PDE1C: variants seen among roughly 807,000 people sequenced by gnomAD.
PDE1C encodes the protein dual specificity calcium/calmodulin-dependent 3',5'-cyclic nucleotide phosphodiesterase 1C.
Under a neutral mutation model 93.1 loss-of-function variants are expected in PDE1C, and 62 were observed. That is an observed-to-expected ratio of 0.67 (90% CI 0.54 to 0.82). The LOEUF is 0.82. Among genes scored for constraint, PDE1C ranks in the 40% least tolerant of loss-of-function variants. The pLI is 0.00. For missense variants in PDE1C, 742 were observed against 884.6 expected (o/e 0.84, Z 2.04); for synonymous variants, 325 against 310.1 (o/e 1.05, Z -0.50).
intron 7 of PDE1C, among the ~76,000 whole-genome samples, chr7:31,857,637 C>G (rs1351493759): frequency 6.6e-6 from 1 of 152,048 alleles, no homozygotes; most frequent in Admixed American, 6.6e-5. Flanking sequence ...CTGGACAGAC[C>G]ACACAAACAC....
At chr7:32,377,776 G>A (rs1784457078) in intron 1 of PDE1C, among the ~76,000 whole-genome samples, 1 of 152,100 alleles carries the variant, frequency 6.6e-6, no homozygotes, top group South Asian at 2.1e-4. Flanking sequence ...TTTAAATTCA[G>A]GTCGGTCTAG....
chr7:31,829,251 G>A (rs755237958), intron 11 of PDE1C, among the ~76,000 whole-genome samples: 9 of 151,970 alleles, frequency 5.9e-5, no homozygotes, highest in Non-Finnish European at 1.3e-4. Context: ...ATACATTTTA[G>A]TTTTTATCAC....
intron 3 of PDE1C, among the ~76,000 whole-genome samples, chr7:32,129,557 T>TACTGACAGAGGAAAACATGGCA (rs1799808728): frequency 6.6e-6 from 1 of 151,878 alleles, no homozygotes. Context: ...CCCTCAAGTT[T>TACTGACAGAGGAAAACATGGCA]CTCTTTGTCA....
intron 3 of PDE1C, among the ~76,000 whole-genome samples, chr7:32,156,879 C>A (rs1409726822): frequency 6.6e-6 from 1 of 152,104 alleles, no homozygotes; most frequent in Non-Finnish European, 1.5e-5. Flanking sequence ...GTTAAGGTAC[C>A]CATTGATTGT....
intron 2 of PDE1C, among the ~76,000 whole-genome samples, chr7:32,200,781 C>T (rs1336678502): frequency 1.3e-5 from 2 of 152,142 alleles, no homozygotes; most frequent in African/African-American, 4.8e-5. Context: ...TTACAGGCCA[C>T]CCAGACTCAA....
At chr7:32,153,851 G>A (rs1447644758) in intron 3 of PDE1C, among the ~76,000 whole-genome samples, 2 of 152,150 alleles carry the variant, frequency 1.3e-5, no homozygotes, top group Admixed American at 6.6e-5. Flanking sequence ...CTTATTTTAG[G>A]TGGATTCCTC....
chr7:31,636,335 G>A, the PDE1C span, among the ~76,000 whole-genome samples: 4 of 152,138 alleles, frequency 2.6e-5, no homozygotes, highest in East Asian at 1.9e-4. Context: ...GTGTTCTAAC[G>A]TATAATTTCA....
chr7:31,695,829 A>T, the PDE1C span: 1 of 394,990 alleles, frequency 2.5e-6, no homozygotes. Context: ...ATAAAAGTTT[A>T]TTTTTTTTAC....
chr7:32,047,427 T>C (rs1381834819), intron 2 of PDE1C, among the ~76,000 whole-genome samples: 3 of 152,090 alleles, frequency 2.0e-5, no homozygotes, highest in South Asian at 2.1e-4. Flanking sequence ...TAAAACCCAA[T>C]CCAATAAGGT....
intron 2 of PDE1C, among the ~76,000 whole-genome samples, chr7:31,928,639 A>T (rs1174443958): frequency 1.3e-5 from 2 of 152,188 alleles, no homozygotes; most frequent in Non-Finnish European, 2.9e-5. Context: ...CAACATTCTT[A>T]AAGAAAAGAA....
At chr7:31,732,545 T>TGGCCTACCC in the PDE1C span, among the ~76,000 whole-genome samples, 1 of 152,134 alleles carries the variant, frequency 6.6e-6, no homozygotes, top group Non-Finnish European at 1.5e-5. Flanking sequence ...CCAGCATACC[T>TGGCCTACCC]GGCCTACCCT....
chr7:31,633,759 A>G, the PDE1C span, among the ~76,000 whole-genome samples: 1 of 152,254 alleles, frequency 6.6e-6, no homozygotes, highest in Non-Finnish European at 1.5e-5. Context: ...CAGAAGAGAT[A>G]GGAACTTGAC....
At position 31,823,067 on chromosome 7, in the gene PDE1C, T is replaced by A. The variant is rs996760510; in HGVS notation, c.1582+6A>T. On this transcript the variant is annotated splice_donor_region_variant and intron_variant, in intron 14 of 17. Transcript: ENST00000396191. ...AATTGGTTTGGACAGGTCTGTGGCA[T>A]GTTACCTTTGGGTACCTTGGCCCTC... 1.2e-6 allele frequency: 2 copies of A among 1,606,620 alleles called. No individual in the cohort carries two copies. Among genetic ancestry groups the A allele is most frequent in the African/African-American group, 1.3e-5 (1 of 74,652 alleles).
At chr7:32,418,160 C>T (rs577509640) in intron 1 of PDE1C, among the ~76,000 whole-genome samples, 6 of 152,264 alleles carry the variant, frequency 3.9e-5, no homozygotes, top group African/African-American at 1.4e-4. Context: ...AGCCTTACTT[C>T]TGGAAACTTC....
intron 17 of PDE1C, among the ~76,000 whole-genome samples, chr7:31,754,907 A>G (rs1794358518): frequency 6.6e-6 from 1 of 152,246 alleles, no homozygotes; most frequent in Admixed American, 6.5e-5. Context: ...ACTATTTAAG[A>G]GGTCGGAGGA....
At chr7:31,917,297 T>C (rs1802051373) in intron 2 of PDE1C, among the ~76,000 whole-genome samples, 1 of 152,106 alleles carries the variant, frequency 6.6e-6, no homozygotes, top group African/African-American at 2.4e-5. Flanking sequence ...GAAAAGAAAA[T>C]TTTTACAGCT....
the PDE1C span, among the ~76,000 whole-genome samples, chr7:31,689,121 T>C: frequency 6.6e-6 from 1 of 152,202 alleles, no homozygotes; most frequent in African/African-American, 2.4e-5. Context: ...CCACAGCACG[T>C]TTGACTCCAG....
intron 2 of PDE1C, among the ~76,000 whole-genome samples, chr7:31,975,389 G>A (rs778111791): frequency 5.3e-5 from 8 of 151,968 alleles, no homozygotes; most frequent in Non-Finnish European, 7.4e-5. Context: ...CAAAATGTCC[G>A]TGTAGCACCA....
the PDE1C span, among the ~76,000 whole-genome samples, chr7:31,623,504 G>C: frequency 1.4e-4 from 21 of 151,606 alleles, 1 homozygote; most frequent in East Asian, 1.6e-3. Flanking sequence ...AGACAAAAAT[G>C]ACACGATTAT....
Sources: allele counts gnomAD v4.1 joint callset (sites outside exome capture counted in the v4.1 genomes callset), GRCh38; gene constraint gnomAD v4.1.1; transcripts MANE v1.5; gene names NCBI Gene and HGNC (gene_info 2026-07-23, HGNC 2026-07-21).